Variants in CNGB3 observed in about 807,000 individuals in gnomAD.
The protein encoded by CNGB3 is cyclic nucleotide gated channel subunit beta 3.
In CNGB3, 86 loss-of-function variants were observed where a neutral mutation model predicts 92.8. That is an observed-to-expected ratio of 0.93 (90% CI 0.78 to 1.11). The LOEUF is 1.11. Among genes scored for constraint, CNGB3 ranks in the 50% least tolerant of loss-of-function variants. The probability of loss-of-function intolerance (pLI) is 0.00; values close to 1 mark genes in which losing one functional copy is unlikely to be tolerated. For missense variants in CNGB3, 1,026 were observed against 956.8 expected (o/e 1.07, Z -0.95); for synonymous variants, 333 against 332.7 (o/e 1.00, Z -0.01).
chr8:86,724,766 T>C (rs1435854701), intron 3 of CNGB3, among the ~76,000 whole-genome samples: 2 of 151,860 alleles, frequency 1.3e-5, no homozygotes, highest in Non-Finnish European at 2.9e-5. Context: ...AGAAGTTAAT[T>C]AGGTGATAAG....
chr8:86,612,251 C>A (rs1290879141), intron 13 of CNGB3, among the ~76,000 whole-genome samples: 3 of 152,066 alleles, frequency 2.0e-5, no homozygotes, highest in African/African-American at 7.2e-5. Context: ...TTCATATTCA[C>A]TTTAATAGTG....
rs1825064655 is a variant in CNGB3, at chr8:86,726,596, T to A, written c.273A>T (p.Ala91=). The change falls in exon 3 of 18, where the codon GCA becomes GCT. Residue 91 remains alanine, a synonymous_variant. Transcript: ENST00000320005. The stretch of plus-strand genomic sequence containing the variant: ...CTGGCACTGTTCCAGTTGGTTCTGC[T>A]GCATTTTGAGGGTCAGGGTTTGTGG... ...DLTTNPDPQN[A]AEPTGTVPEQ... 6.2e-7 allele frequency: 1 copy of A among 1,613,918 alleles called. No homozygotes were observed. Among genetic ancestry groups the A allele is most frequent in the Non-Finnish European group, 8.5e-7 (1 of 1,179,820 alleles).
intron 11 of CNGB3, 73 bp from the exon 12 acceptor site, chr8:86,629,151 C>G: frequency 1.4e-6 from 2 of 1,472,430 alleles, no homozygotes; most frequent in Non-Finnish European, 1.9e-6. Context: ...TACATGTTTT[C>G]CACATGATAT....
intron 2 of CNGB3, among the ~76,000 whole-genome samples, chr8:86,736,138 A>G (rs1279474775): frequency 6.6e-6 from 1 of 152,206 alleles, no homozygotes; most frequent in Non-Finnish European, 1.5e-5. Flanking sequence ...TCTGCAGAAG[A>G]TAAGAGTTCT....
chr8:86,651,477 C>A (rs968219821), intron 7 of CNGB3, among the ~76,000 whole-genome samples: 1 of 151,680 alleles, frequency 6.6e-6, no homozygotes, highest in African/African-American at 2.4e-5. Context: ...GTAGAGGTAT[C>A]GATCTTTGTA....
intron 15 of CNGB3, among the ~76,000 whole-genome samples, chr8:86,580,090 C>T (rs967257159): frequency 1.3e-5 from 2 of 150,502 alleles, no homozygotes; most frequent in Non-Finnish European, 3.0e-5. Flanking sequence ...GGAAGCAAGG[C>T]ACATCTTATA....
chr8:86,609,866 T>C (rs900380102), intron 14 of CNGB3, among the ~76,000 whole-genome samples: 1 of 152,018 alleles, frequency 6.6e-6, no homozygotes, highest in Non-Finnish European at 1.5e-5. Context: ...TAAAGAACTA[T>C]TTATCTTTAG....
chr8:86,723,029 C>T (rs1384499716), intron 3 of CNGB3, among the ~76,000 whole-genome samples: 1 of 152,048 alleles, frequency 6.6e-6, no homozygotes, highest in Non-Finnish European at 1.5e-5. Flanking sequence ...CTGTGGAGAA[C>T]CCTAACTGAT....
intron 15 of CNGB3, among the ~76,000 whole-genome samples, chr8:86,592,849 T>G (rs1304217360): frequency 6.6e-6 from 1 of 152,224 alleles, no homozygotes; most frequent in Non-Finnish European, 1.5e-5. Context: ...ATAACCTGTG[T>G]AGACTTTTTC....
rs907396585 is a variant in CNGB3 at position 86,724,051 on chromosome 8, T to C, written c.338+2480A>G. ...TTGAGGATGACCGGAGGGAGGAGGC[T>C]GAGGGTCAAAAAACTACCTATTGTG... On this transcript the variant is annotated intron_variant, in intron 3 of 17. Transcript: ENST00000320005. Among the ~76,000 whole-genome samples the C allele has an allele frequency of 2.6e-5, 4 of 152,278 alleles. No homozygotes were observed. The South Asian group carries it at 8.3e-4, about 32-fold the overall frequency.
At position 86,594,168 on chromosome 8, in the gene CNGB3, C is replaced by T. The variant is rs1001124501; in HGVS notation, c.1781+9925G>A. 5 of 279,574 alleles carry T rather than the reference C, an allele frequency of 1.8e-5. No individual in the cohort carries two copies. The South Asian group carries it at 1.8e-4, about 10-fold the overall frequency. The allele number at this position is 279,574 out of a possible 1,614,324, so 17.3% of individuals were successfully genotyped here. ...CAGCATCCAACGGGGAATGTGTCTC[C>T]AACGATCACCCACTGGGGCTCCCCC... On this transcript the variant is annotated intron_variant, in intron 15 of 17. Coordinates refer to ENST00000320005, the MANE Select transcript of CNGB3 (RefSeq NM_019098.5).
At chr8:86,699,465 C>T (rs1328686724) in intron 3 of CNGB3, among the ~76,000 whole-genome samples, 1 of 152,040 alleles carries the variant, frequency 6.6e-6, no homozygotes, top group Non-Finnish European at 1.5e-5. Flanking sequence ...AGTGAGACCC[C>T]ATCTGTCTCT....
At chr8:86,646,568 T>C (rs557473536) in intron 8 of CNGB3, among the ~76,000 whole-genome samples, 1 of 151,278 alleles carries the variant, frequency 6.6e-6, no homozygotes, top group South Asian at 2.1e-4. Flanking sequence ...TATAAAGTTT[T>C]AGCAAAGTGT....
At chr8:86,725,895 G>A (rs35066672) in intron 3 of CNGB3, among the ~76,000 whole-genome samples, 28,658 of 152,026 alleles carry the variant, frequency 0.19, 3,325 homozygotes, top group South Asian at 0.3. Context: ...GGATCGGCAG[G>A]TACATAATAC....
chr8:86,706,496 C>A (rs1003665698), intron 3 of CNGB3, among the ~76,000 whole-genome samples: 2 of 152,158 alleles, frequency 1.3e-5, no homozygotes, highest in African/African-American at 4.8e-5. Flanking sequence ...GTGCAACAGC[C>A]TTGAGAGCTC....
intron 10 of CNGB3, among the ~76,000 whole-genome samples, chr8:86,641,642 T>C (rs894602205): frequency 4.6e-5 from 7 of 151,572 alleles, no homozygotes; most frequent in Admixed American, 2.6e-4. Flanking sequence ...CATTTTTTTT[T>C]CCCCTTATAC....
At position 86,683,290 on chromosome 8, in the gene CNGB3, C is replaced by G. The variant is rs1028202670; in HGVS notation, c.339-12192G>C. 1.2e-4 allele frequency among the ~76,000 whole-genome samples: 19 copies of G among 152,006 alleles called. 1 individual carries two copies. Among genetic ancestry groups the G allele is most frequent in the Non-Finnish European group, 2.5e-4 (17 of 67,992 alleles). ...TTCTTTTTCTTCTTCTAAACAAAAACCCAGGAAGATACACTGAGTTGGTCT... is the reference window on the plus strand; with the variant it reads ...TTCTTTTTCTTCTTCTAAACAAAAAGCCAGGAAGATACACTGAGTTGGTCT... On this transcript the variant is annotated intron_variant, in intron 3 of 17. Transcript: ENST00000320005.
At chr8:86,698,989 C>T (rs1352663037) in intron 3 of CNGB3, among the ~76,000 whole-genome samples, 1 of 152,138 alleles carries the variant, frequency 6.6e-6, no homozygotes, top group Non-Finnish European at 1.5e-5. Context: ...GACCCGTCAT[C>T]TATTTGGGAG....
chr8:86,707,529 G>A, intron 3 of CNGB3: 1 of 152,818 alleles, frequency 6.5e-6, no homozygotes, highest in Non-Finnish European at 1.5e-5. Flanking sequence ...GAGAATGACA[G>A]TGGCAGGAGC....
Sources: allele counts gnomAD v4.1 joint callset (sites outside exome capture counted in the v4.1 genomes callset), GRCh38; gene constraint gnomAD v4.1.1; transcripts MANE v1.5; gene names NCBI Gene and HGNC (gene_info 2026-07-23, HGNC 2026-07-21).